PHF14: variants seen among roughly 807,000 people sequenced by gnomAD.
PHF14 encodes the protein PHD finger protein 14.
Under a neutral mutation model 117.9 loss-of-function variants are expected in PHF14, and 55 were observed. That is an observed-to-expected ratio of 0.47 (90% CI 0.38 to 0.58). The LOEUF (loss-of-function observed/expected upper bound fraction) is 0.58, where lower values mean the gene tolerates loss of function less well. Ranked by LOEUF, PHF14 falls within the 20% of genes least tolerant of loss-of-function variation. PHF14 has a pLI of 0.00. For synonymous variants in PHF14, 409 were observed against 368.6 expected (o/e 1.11, Z -1.26); for missense variants, 978 against 1,122.2 (o/e 0.87, Z 1.84).
Position 11,162,129 on chromosome 7 carries a change from C to T in PHF14, c.2773-7287C>T, listed in dbSNP as rs939373059. Reference sequence around the variant, plus strand: ...TTTGAGACAGAGCCTTGCTCTGTCTCCCAGGCTGGAGTGCAGTGGTGCAAT... The same window carrying T: ...TTTGAGACAGAGCCTTGCTCTGTCTTCCAGGCTGGAGTGCAGTGGTGCAAT... On this transcript the variant is annotated intron_variant, in intron 17 of 17. Coordinates refer to ENST00000634607, the MANE Select transcript of PHF14 (RefSeq NM_001007157.2). Among the ~76,000 whole-genome samples the T allele has an allele frequency of 2.5e-5, 3 of 121,148 alleles. No homozygotes were observed. The Admixed American group carries it at 3.4e-4, about 14-fold the overall frequency. The allele number at this position is 121,148 out of a possible 152,430, so 79.5% of individuals were successfully genotyped here.
chr7:11,134,211 A>T (rs1370547723), intron 17 of PHF14, among the ~76,000 whole-genome samples: 1 of 151,864 alleles, frequency 6.6e-6, no homozygotes, highest in African/African-American at 2.4e-5. Context: ...TTAGAAACTG[A>T]GTACTGCCTG....
intron 13 of PHF14, 138 bp from the exon 14 acceptor site, chr7:11,051,474 A>T: frequency 4.7e-6 from 3 of 640,238 alleles, no homozygotes; most frequent in East Asian, 2.9e-5. Flanking sequence ...TTTTTTCATT[A>T]TGTACCCTAT....
chr7:10,977,139 T>C (rs1250950813), intron 2 of PHF14, among the ~76,000 whole-genome samples: 1 of 152,050 alleles, frequency 6.6e-6, no homozygotes, highest in Non-Finnish European at 1.5e-5. Context: ...GTTGGAGTCT[T>C]GTAGAGAATA....
intron 16 of PHF14, chr7:11,106,183 T>A (rs1324590879): frequency 2.0e-6 from 2 of 979,138 alleles, no homozygotes; most frequent in Non-Finnish European, 1.2e-6. Context: ...GCCACAGATA[T>A]AGCTAACTGA....
At chr7:10,990,942 C>T (rs1782427170) in intron 4 of PHF14, 95 bp downstream of exon 4, 11 of 802,804 alleles carry the variant, frequency 1.4e-5, no homozygotes, top group Middle Eastern at 2.3e-4. Context: ...CATGGTGTTT[C>T]GGTTGAAATA....
intron 6 of PHF14, among the ~76,000 whole-genome samples, chr7:11,024,733 C>G (rs1783852415): frequency 6.6e-6 from 1 of 152,178 alleles, no homozygotes; most frequent in Non-Finnish European, 1.5e-5. Flanking sequence ...AAAAAGATTC[C>G]TTTCAAAAGA....
chr7:11,047,814 G>C (rs1475495821), intron 13 of PHF14, among the ~76,000 whole-genome samples: 1 of 134,302 alleles, frequency 7.4e-6, no homozygotes, highest in Non-Finnish European at 1.6e-5. Context: ...AGGAGGGAGG[G>C]CAGGAGGGAG....
intron 4 of PHF14, among the ~76,000 whole-genome samples, chr7:11,005,003 C>T (rs969745849): frequency 1.9e-4 from 29 of 151,376 alleles, no homozygotes; most frequent in African/African-American, 5.4e-4. Context: ...GGCAATAGAG[C>T]GAGATTCCGT....
chr7:11,015,281 G>C (rs558189145), intron 5 of PHF14: 1 of 152,178 alleles, frequency 6.6e-6, no homozygotes, highest in East Asian at 1.9e-4. Flanking sequence ...CTTGAGAAAT[G>C]TTGCCATACA....
At chr7:10,993,207 A>G (rs983283900) in intron 4 of PHF14, among the ~76,000 whole-genome samples, 19 of 151,866 alleles carry the variant, frequency 1.3e-4, no homozygotes, top group African/African-American at 4.4e-4. Flanking sequence ...ATTTTTTCTT[A>G]CCAATTAATT....
intron 16 of PHF14, chr7:11,062,309 C>G: frequency 3.1e-6 from 1 of 321,520 alleles, no homozygotes; most frequent in Non-Finnish European, 5.6e-6. Context: ...CTGTTTAACA[C>G]AGGGAATTAT....
chr7:11,075,282 T>A (rs535844775), intron 16 of PHF14, among the ~76,000 whole-genome samples: 1 of 152,168 alleles, frequency 6.6e-6, no homozygotes, highest in South Asian at 2.1e-4. Flanking sequence ...TGGTACCAAT[T>A]TTCTCTGTTA....
At chr7:11,166,133 A>G (rs1182395917) in intron 17 of PHF14, among the ~76,000 whole-genome samples, 1 of 152,182 alleles carries the variant, frequency 6.6e-6, no homozygotes, top group African/African-American at 2.4e-5. Flanking sequence ...TAGAGTATGA[A>G]TTAACAAGTT....
Position 11,122,352 on chromosome 7 carries a change from T to TATATACACAC in PHF14, c.2772+10886_2772+10887insTATACACACA. On this transcript the variant is annotated intron_variant, in intron 17 of 17. Transcript: ENST00000634607. ...CTTTTTATATATATATATATATATA[T>TATATACACAC]ACACACACACACACACACACACACA... is the stretch of plus-strand genomic sequence containing the variant. 5.6e-4 allele frequency among the ~76,000 whole-genome samples: 37 copies of TATATACACAC among 65,872 alleles called. 1 individual carries two copies. In the South Asian group the frequency reaches 0.016, roughly 29 times the overall value. 43.2% of individuals were successfully genotyped at this position (65,872 alleles called of 152,430 possible). A position where few individuals can be genotyped will look rare whatever the true frequency, so the allele number is the denominator to read the frequency against.
At chr7:11,094,728 C>A (rs866755184) in intron 16 of PHF14, among the ~76,000 whole-genome samples, 1 of 152,160 alleles carries the variant, frequency 6.6e-6, no homozygotes, top group East Asian at 1.9e-4. Flanking sequence ...CTTTAGCAAA[C>A]CTTTAAAATT....
intron 3 of PHF14, among the ~76,000 whole-genome samples, chr7:10,986,957 A>G (rs1782245492): frequency 6.6e-6 from 1 of 152,200 alleles, no homozygotes; most frequent in Non-Finnish European, 1.5e-5. Context: ...TATAAATGTA[A>G]CTTTATGTTC....
chr7:11,026,758 G>T (rs779501989), intron 6 of PHF14, among the ~76,000 whole-genome samples: 19 of 150,868 alleles, frequency 1.3e-4, no homozygotes, highest in Non-Finnish European at 2.8e-4. Flanking sequence ...TTATTACAAG[G>T]AATTTTTCTA....
intron 4 of PHF14, among the ~76,000 whole-genome samples, chr7:11,003,495 T>A (rs978574196): frequency 1.3e-5 from 2 of 152,234 alleles, no homozygotes; most frequent in Non-Finnish European, 2.9e-5. Context: ...TATTTTATTG[T>A]GTATATTTCA....
At chr7:11,149,688 C>A (rs1250175476) in intron 17 of PHF14, among the ~76,000 whole-genome samples, 1 of 152,066 alleles carries the variant, frequency 6.6e-6, no homozygotes, top group East Asian at 1.9e-4. Context: ...AATGCTGATA[C>A]AGAATTTAAA....
Sources: allele counts gnomAD v4.1 joint callset (sites outside exome capture counted in the v4.1 genomes callset), GRCh38; gene constraint gnomAD v4.1.1; transcripts MANE v1.5; gene names NCBI Gene and HGNC (gene_info 2026-07-23, HGNC 2026-07-21).